Variants in CNOT7 observed in about 807,000 individuals in gnomAD.
The protein encoded by CNOT7 is CCR4-NOT transcription complex subunit 7.
Under a neutral mutation model 37.1 loss-of-function variants are expected in CNOT7, and 4 were observed. That is an observed-to-expected ratio of 0.11 (90% CI 0.05 to 0.25). CNOT7 has a LOEUF of 0.25. Ranked by LOEUF, CNOT7 falls within the 10% of genes least tolerant of loss-of-function variation. The pLI is 1.00. For missense variants in CNOT7, 170 were observed against 336.2 expected, an observed-to-expected ratio of 0.51 and a Z score of 3.87; for synonymous variants, 128 against 115.6, an observed-to-expected ratio of 1.11 and a Z score of -0.69.
chr8:17,231,672 T>C, intron 6 of CNOT7: 1 of 985,436 alleles, frequency 1.0e-6, no homozygotes, highest in Non-Finnish European at 1.2e-6. Context: ...CTCACTTGTT[T>C]TTTGCACAAC....
chr8:17,235,620 G>A (rs1430241405), intron 4 of CNOT7, among the ~76,000 whole-genome samples: 1 of 152,090 alleles, frequency 6.6e-6, no homozygotes, highest in Non-Finnish European at 1.5e-5. Flanking sequence ...TACACTCCCA[G>A]GCCACTTAGA....
intron 4 of CNOT7, 54 bp downstream of exon 4, chr8:17,237,158 T>A (rs1204688637): frequency 7.7e-6 from 12 of 1,555,470 alleles, no homozygotes; most frequent in Non-Finnish European, 1.1e-5. Flanking sequence ...CAAGTAAGTG[T>A]GGAGCAAGTA....
At position 17,234,740 on chromosome 8, in the gene CNOT7, G is replaced by C. The variant is rs1809112653; in HGVS notation, c.594C>G (p.Leu198=). 1.2e-6 allele frequency: 2 copies of C among 1,613,998 alleles called. No homozygotes were observed. The highest frequency in any genetic ancestry group is 1.3e-5 in the African/African-American group (1 of 75,010). ...FFPVIYDVKY[L]MKSCKNLKGG... is the part of the protein sequence containing the mutation. Reference sequence around the variant, plus strand: ...CTTTGAGATTTTTGCAGCTCTTCATGAGGTACTTCACATCATAAATGACAG... The same window carrying C: ...CTTTGAGATTTTTGCAGCTCTTCATCAGGTACTTCACATCATAAATGACAG... The change falls in exon 5 of 7, where the codon CTC becomes CTG. Residue 198 remains leucine (L), a synonymous_variant. Coordinates refer to ENST00000361272, the MANE Select transcript of CNOT7 (RefSeq NM_013354.7).
chr8:17,239,783 A>T (rs536787503), intron 3 of CNOT7, among the ~76,000 whole-genome samples: 3 of 152,198 alleles, frequency 2.0e-5, no homozygotes, highest in Non-Finnish European at 2.9e-5. Flanking sequence ...GTGAGCCACC[A>T]CGCCCAGCCT....
chr8:17,242,948 A>AG, intron 3 of CNOT7, 44 bp downstream of exon 3: 1 of 508,138 alleles, frequency 2.0e-6, no homozygotes, highest in Non-Finnish European at 2.8e-6. Flanking sequence ...AAGATTAAAG[A>AG]AAAAAAAAAA....
chr8:17,237,164 A>C, intron 4 of CNOT7, 48 bp downstream of exon 4: 1 of 1,577,512 alleles, frequency 6.3e-7, no homozygotes. Context: ...AGTGTGGAGC[A>C]AGTATGAGAT....
intron 1 of CNOT7, chr8:17,246,018 A>T (rs997919319): frequency 6.6e-6 from 1 of 152,066 alleles, no homozygotes; most frequent in African/African-American, 2.4e-5. Context: ...AAGAGTCACA[A>T]ATGTAACTTC....
chr8:17,231,782 A>T, intron 6 of CNOT7: 1 of 985,522 alleles, frequency 1.0e-6, no homozygotes, highest in Non-Finnish European at 1.2e-6. Context: ...TCCATCCCTA[A>T]CACTTTATAC....
intron 3 of CNOT7, chr8:17,242,202 T>G (rs970303693): frequency 2.6e-5 from 4 of 152,142 alleles, no homozygotes; most frequent in African/African-American, 9.7e-5. Flanking sequence ...GGGTCAGGAA[T>G]CAATTTTATT....
chr8:17,246,018 A>C (rs997919319), intron 1 of CNOT7: 2 of 152,066 alleles, frequency 1.3e-5, no homozygotes, highest in Admixed American at 6.5e-5. Context: ...AAGAGTCACA[A>C]ATGTAACTTC....
intron 1 of CNOT7, among the ~76,000 whole-genome samples, chr8:17,245,482 T>C (rs1810817217): frequency 6.6e-6 from 1 of 152,226 alleles, no homozygotes; most frequent in South Asian, 2.1e-4. Context: ...TTTTTACACA[T>C]ACATACTAAT....
chr8:17,229,215 C>G lies in CNOT7; in HGVS notation c.*1505G>C, dbSNP rs570350730. The G allele has an allele frequency of 6.6e-6, 1 of 151,916 alleles. No individual in the cohort carries two copies. Among genetic ancestry groups the G allele is most frequent in the Non-Finnish European group, 1.5e-5 (1 of 67,854 alleles). 9.4% of individuals were successfully genotyped at this position (151,916 alleles called of 1,614,324 possible). A position where few individuals can be genotyped will look rare whatever the true frequency, so the allele number is the denominator to read the frequency against. On this transcript the variant is annotated 3_prime_UTR_variant, in exon 7 of 7. Coordinates refer to ENST00000361272, the MANE Select transcript of CNOT7 (RefSeq NM_013354.7). ...AATAAGTATTTCCAAAAGAAAATCA[C>G]CAGTCATCAACATTTATAAGAAAAC... is the stretch of plus-strand genomic sequence containing the variant.
At position 17,226,490 on chromosome 8, in the gene CNOT7, T is replaced by C. The variant is rs1563179478; in HGVS notation, c.*4230A>G. The C allele has an allele frequency of 1.3e-5, 2 of 151,772 alleles. No homozygotes were observed. The highest frequency in any genetic ancestry group is 2.1e-4 in the South Asian group (1 of 4,832). 9.4% of individuals were successfully genotyped at this position (151,772 alleles called of 1,614,324 possible). A position where few individuals can be genotyped will look rare whatever the true frequency, so the allele number is the denominator to read the frequency against. On this transcript the variant is annotated 3_prime_UTR_variant, in exon 7 of 7. Coordinates refer to ENST00000361272, the MANE Select transcript of CNOT7 (RefSeq NM_013354.7). ...TAAGGCATTTGTAGGATTCATCTTT[T>C]TGGTATTTGCCCTTTAGCATGTCAT...
At position 17,226,796 on chromosome 8, in the gene CNOT7, G is replaced by C. The variant is rs917520637; in HGVS notation, c.*3924C>G. The C allele has an allele frequency of 6.6e-6, 1 of 151,550 alleles. No homozygotes were observed. The highest frequency in any genetic ancestry group is 2.4e-5 in the African/African-American group (1 of 41,312). The allele number at this position is 151,550 out of a possible 1,614,324, so 9.4% of individuals were successfully genotyped here. On this transcript the variant is annotated 3_prime_UTR_variant, in exon 7 of 7. Transcript: ENST00000361272. ...ATGTTGTTGTACCTTGTAATTTCAGGTCAAATTCATTAAGAAACATTTTCA... is the reference window on the plus strand; with the variant it reads ...ATGTTGTTGTACCTTGTAATTTCAGCTCAAATTCATTAAGAAACATTTTCA...
chr8:17,245,020 C>T lies in CNOT7; in HGVS notation c.117+16G>A. On this transcript the variant is annotated intron_variant, in intron 2 of 6. Transcript: ENST00000361272. ...CCTTTATATGAAGCGTTTTAAAGAT[C>T]TGCTTGTGGGCATACCATAGCAACG... The T allele has an allele frequency of 6.3e-7, 1 of 1,590,242 alleles. No homozygotes were observed. Among genetic ancestry groups the T allele is most frequent in the Non-Finnish European group, 8.6e-7 (1 of 1,162,238 alleles).
At position 17,227,264 on chromosome 8, in the gene CNOT7, T is replaced by A. The variant is rs910053459; in HGVS notation, c.*3456A>T. ...ACATCTTAGTAGATTCCACTTCAGG[T>A]TGTACTGTTTATCAACTTTTTTGAA... On this transcript the variant is annotated 3_prime_UTR_variant, in exon 7 of 7. Coordinates refer to ENST00000361272, the MANE Select transcript of CNOT7 (RefSeq NM_013354.7). The A allele has an allele frequency of 2.0e-5, 3 of 151,696 alleles. No individual in the cohort carries two copies. The highest frequency in any genetic ancestry group is 3.0e-5 in the Non-Finnish European group (2 of 67,706). 9.4% of individuals were successfully genotyped at this position (151,696 alleles called of 1,614,324 possible).
At position 17,228,051 on chromosome 8, in the gene CNOT7, G is replaced by C. The variant is rs369629415; in HGVS notation, c.*2669C>G. On this transcript the variant is annotated 3_prime_UTR_variant, in exon 7 of 7. Transcript: ENST00000361272. ...CCATAGATAATATGTAAATTAGTGT[G>C]GCTGCATTCCAATAAAAACTTATAG... is the stretch of plus-strand genomic sequence containing the variant. 8 of 151,940 alleles carry C rather than the reference G, an allele frequency of 5.3e-5. 1 individual carries two copies. In the South Asian group the frequency reaches 1.7e-3, roughly 31 times the overall value. The allele number at this position is 151,940 out of a possible 1,614,324, so 9.4% of individuals were successfully genotyped here. A position where few individuals can be genotyped will look rare whatever the true frequency, so the allele number is the denominator to read the frequency against.
intron 4 of CNOT7, among the ~76,000 whole-genome samples, chr8:17,235,638 G>A (rs541399907): frequency 1.3e-5 from 2 of 152,132 alleles, no homozygotes; most frequent in African/African-American, 2.4e-5. Flanking sequence ...AGACACGTCC[G>A]TCCCTTGTCT....
chr8:17,235,735 T>C (rs770894892), intron 4 of CNOT7, among the ~76,000 whole-genome samples: 4 of 152,228 alleles, frequency 2.6e-5, no homozygotes, highest in Non-Finnish European at 4.4e-5. Flanking sequence ...TTAGGATTTA[T>C]AAACTTCTTA....
Sources: allele counts gnomAD v4.1 joint callset (sites outside exome capture counted in the v4.1 genomes callset), GRCh38; gene constraint gnomAD v4.1.1; transcripts MANE v1.5; gene names NCBI Gene and HGNC (gene_info 2026-07-23, HGNC 2026-07-21).